EPHA6: variants seen among roughly 807,000 people sequenced by gnomAD.
EPHA6 encodes ephrin type-A receptor 6.
EPHA6 carries 50 observed loss-of-function variants against 112.0 expected under a neutral mutation model. The ratio of observed to expected loss-of-function variants is 0.45; its 90% CI spans 0.36 to 0.56. EPHA6 has a LOEUF of 0.56. Among genes scored for constraint, EPHA6 ranks in the 20% least tolerant of loss-of-function variants. The pLI is 0.00. For synonymous variants in EPHA6, 529 were observed against 490.7 expected (o/e 1.08, Z -1.03); for missense variants, 1,280 against 1,417.4 (o/e 0.90, Z 1.56).
chr3:97,667,193 A>G (rs1317488947), intron 14 of EPHA6, among the ~76,000 whole-genome samples: 3 of 152,326 alleles, frequency 2.0e-5, no homozygotes, highest in East Asian at 1.9e-4. Flanking sequence ...CAGAACCATC[A>G]TATCTCAAGA....
intron 13 of EPHA6, among the ~76,000 whole-genome samples, chr3:97,614,356 G>C (rs1170555071): frequency 7.4e-6 from 1 of 135,066 alleles, no homozygotes; most frequent in South Asian, 2.3e-4. Flanking sequence ...TTTTTTTTGA[G>C]ACAGAGTCTT....
intron 14 of EPHA6, among the ~76,000 whole-genome samples, chr3:97,649,880 A>G (rs1173392364): frequency 6.6e-6 from 1 of 152,110 alleles, no homozygotes; most frequent in Non-Finnish European, 1.5e-5. Flanking sequence ...TGAGGAAGAA[A>G]TCGATGCGCT....
intron 3 of EPHA6, among the ~76,000 whole-genome samples, chr3:97,196,732 A>G (rs986423865): frequency 6.6e-6 from 1 of 151,374 alleles, no homozygotes; most frequent in Non-Finnish European, 1.5e-5. Flanking sequence ...CTCTTTCAGA[A>G]TCGTAGAAGT....
At chr3:96,880,101 A>G (rs1406279955) in intron 2 of EPHA6, among the ~76,000 whole-genome samples, 1 of 152,072 alleles carries the variant, frequency 6.6e-6, no homozygotes, top group Non-Finnish European at 1.5e-5. Flanking sequence ...GAAAGCTATT[A>G]TAATAAAAAA....
chr3:97,040,353 T>A (rs1405635754), intron 3 of EPHA6, among the ~76,000 whole-genome samples: 1 of 151,990 alleles, frequency 6.6e-6, no homozygotes, highest in African/African-American at 2.4e-5. Context: ...GGACTTTGAA[T>A]TAATATCCTA....
intron 5 of EPHA6, among the ~76,000 whole-genome samples, chr3:97,320,412 G>C (rs747828339): frequency 6.6e-6 from 1 of 151,740 alleles, no homozygotes; most frequent in Non-Finnish European, 1.5e-5. Context: ...GTAATTGGGG[G>C]TCTGAAATAC....
At chr3:97,509,514 C>T (rs894920314) in intron 10 of EPHA6, among the ~76,000 whole-genome samples, 4 of 152,054 alleles carry the variant, frequency 2.6e-5, no homozygotes, top group African/African-American at 9.7e-5. Context: ...AATATTGGCC[C>T]TCATGCTCTT....
intron 1 of EPHA6, among the ~76,000 whole-genome samples, chr3:96,829,914 T>C (rs543694431): frequency 1.3e-5 from 2 of 151,126 alleles, no homozygotes; most frequent in Non-Finnish European, 2.9e-5. Context: ...GCTAATACTG[T>C]CTGTATACAC....
At chr3:97,001,372 T>C (rs909551122) in intron 3 of EPHA6, among the ~76,000 whole-genome samples, 1 of 151,914 alleles carries the variant, frequency 6.6e-6, no homozygotes, top group South Asian at 2.1e-4. Flanking sequence ...ATATAACTTA[T>C]GGTGATATTG....
intron 14 of EPHA6, among the ~76,000 whole-genome samples, chr3:97,641,849 A>C (rs1011609486): frequency 5.9e-5 from 9 of 152,052 alleles, no homozygotes; most frequent in Admixed American, 2.6e-4. Context: ...GCAAGGCGGC[A>C]GCGAGGCTGG....
At chr3:97,370,786 A>C (rs1034306049) in intron 5 of EPHA6, among the ~76,000 whole-genome samples, 1 of 152,156 alleles carries the variant, frequency 6.6e-6, no homozygotes, top group Non-Finnish European at 1.5e-5. Context: ...TTATATCTTT[A>C]AAACAATATT....
At chr3:97,415,728 G>A (rs1157199228) in intron 6 of EPHA6, among the ~76,000 whole-genome samples, 1 of 152,002 alleles carries the variant, frequency 6.6e-6, no homozygotes, top group Non-Finnish European at 1.5e-5. Flanking sequence ...AACCGTGTCT[G>A]ATTTCTATTC....
intron 3 of EPHA6, among the ~76,000 whole-genome samples, chr3:97,040,764 G>A (rs922913418): frequency 2.0e-5 from 3 of 152,104 alleles, no homozygotes; most frequent in African/African-American, 4.8e-5. Flanking sequence ...CAATGATGCA[G>A]TTGTTTACCA....
At chr3:96,895,388 T>C (rs2038212875) in intron 2 of EPHA6, among the ~76,000 whole-genome samples, 1 of 152,168 alleles carries the variant, frequency 6.6e-6, no homozygotes, top group South Asian at 2.1e-4. Context: ...AGGGCCAACA[T>C]TTAAAAAATT....
At chr3:97,197,001 A>G (rs2077458821) in intron 3 of EPHA6, among the ~76,000 whole-genome samples, 1 of 152,004 alleles carries the variant, frequency 6.6e-6, no homozygotes, top group Non-Finnish European at 1.5e-5. Flanking sequence ...ATATTCACTC[A>G]AAGTCCAAGG....
At chr3:97,186,320 G>T (rs1411086515) in intron 3 of EPHA6, among the ~76,000 whole-genome samples, 3 of 152,040 alleles carry the variant, frequency 2.0e-5, no homozygotes. Flanking sequence ...TCTAATGCAG[G>T]CTGGTAGCTT....
chr3:97,352,543 C>T (rs1426641976), intron 5 of EPHA6, among the ~76,000 whole-genome samples: 1 of 152,074 alleles, frequency 6.6e-6, no homozygotes, highest in Non-Finnish European at 1.5e-5. Context: ...TGCCTTGTCA[C>T]AGTGGAAAGA....
At chr3:96,913,301 T>C (rs1184672906) in intron 2 of EPHA6, among the ~76,000 whole-genome samples, 1 of 150,978 alleles carries the variant, frequency 6.6e-6, no homozygotes, top group Non-Finnish European at 1.5e-5. Context: ...GCTTGGAAGG[T>C]GAAGAATGCA....
intron 13 of EPHA6, among the ~76,000 whole-genome samples, chr3:97,636,567 C>A (rs1007929960): frequency 9.2e-5 from 14 of 151,958 alleles, no homozygotes; most frequent in Admixed American, 7.9e-4. Context: ...TATCAGAGAG[C>A]TATCAGAGAG....
Sources: gnomAD v4.1 joint callset for allele counts (sites outside exome capture counted in the v4.1 genomes callset) on GRCh38, gnomAD v4.1.1 for gene constraint, MANE v1.5 for transcripts, NCBI Gene and HGNC (gene_info 2026-07-23, HGNC 2026-07-21) for gene names.